The following UGT2B7 variants were observed in gnomAD, a reference collection of about 807,000 sequenced individuals.
UGT2B7 encodes the protein UDP-glucuronosyltransferase 2B7.
A neutral mutation model predicts 51.9 loss-of-function variants in UGT2B7; 51 were observed. That is an observed-to-expected ratio of 0.98 (90% CI 0.78 to 1.24). The LOEUF (loss-of-function observed/expected upper bound fraction) is 1.24, where lower values mean the gene tolerates loss of function less well. Among genes scored for constraint, UGT2B7 ranks in the 50% most tolerant of loss-of-function variants. The probability of loss-of-function intolerance (pLI) is 0.00; values close to 1 mark genes in which losing one functional copy is unlikely to be tolerated. For missense variants in UGT2B7, 727 were observed against 628.4 expected, an observed-to-expected ratio of 1.16 and a Z score of -1.68; for synonymous variants, 225 against 211.6, an observed-to-expected ratio of 1.06 and a Z score of -0.55.
upstream of UGT2B7, among the ~76,000 whole-genome samples, chr4:69,094,527 A>C (rs1165389783): frequency 1.3e-5 from 2 of 152,254 alleles, no homozygotes; most frequent in Non-Finnish European, 2.9e-5. Flanking sequence ...GTCTAAAAAA[A>C]TACATGCCTT....
At chr4:69,085,441 T>G (rs1012469648) in intron 1 of UGT2B7, among the ~76,000 whole-genome samples, 1 of 152,164 alleles carries the variant, frequency 6.6e-6, no homozygotes, top group African/African-American at 2.4e-5. Context: ...GATAGTTTAT[T>G]TTACTCAGCA....
chr4:69,098,105 A>G (rs1719299999), intron 1 of UGT2B7, among the ~76,000 whole-genome samples: 1 of 152,086 alleles, frequency 6.6e-6, no homozygotes, highest in African/African-American at 2.4e-5. Flanking sequence ...GAATTAGCTT[A>G]ATGAGTTGTG....
chr4:69,098,553 A>G lies in UGT2B7; in HGVS notation c.735A>G (p.Thr245=), dbSNP rs28365062. 0.14 allele frequency: 224,290 copies of G among 1,604,518 alleles called. 18,331 individuals carry two copies. Among genetic ancestry groups the G allele is most frequent in the Admixed American group, 0.35 (19,890 of 57,476 alleles). The stretch of plus-strand genomic sequence containing the variant: ...TATTCCTGTCAGGAAGACCCACTAC[A>G]TTATCTGAGACAATGGGGAAAGCTG... ...FYSEVLGRPT[T]LSETMGKADV... is the part of the protein sequence containing the mutation. The change falls in exon 2 of 6, where the codon ACA becomes ACG. Residue 245 remains threonine, a synonymous_variant. Transcript: ENST00000305231.
At chr4:69,075,604 C>A (rs925176784) in intron 1 of UGT2B7, among the ~76,000 whole-genome samples, 3 of 151,828 alleles carry the variant, frequency 2.0e-5, no homozygotes, top group African/African-American at 7.3e-5. Flanking sequence ...TGATTACATC[C>A]CCAGCCACCA....
Position 69,112,551 on chromosome 4 carries a change from C to A in UGT2B7, c.1405C>A (p.Arg469Ser), listed in dbSNP as rs201354412. The change falls in exon 6 of 6, where the codon CGC becomes AGC. Residue 469 changes from arginine (R) to serine (S), a missense_variant. By Grantham distance (110) the Arg-to-Ser change is moderately radical. Coordinates refer to ENST00000305231, the MANE Select transcript of UGT2B7 (RefSeq NM_001074.4). ...AGTCTTCTGGATTGAATTTGTCATG[C>A]GCCACAAAGGAGCTAAACACCTTCG... Reference protein sequence around the residue: ...RAVFWIEFVMRHKGAKHLRVA... With the variant: ...RAVFWIEFVMSHKGAKHLRVA... 5.4e-5 allele frequency: 87 copies of A among 1,613,764 alleles called. No homozygotes were observed. The highest frequency in any genetic ancestry group is 6.9e-5 in the Non-Finnish European group (81 of 1,179,864).
At chr4:69,060,829 T>C (rs1307956717) in intron 1 of UGT2B7, among the ~76,000 whole-genome samples, 1 of 152,150 alleles carries the variant, frequency 6.6e-6, no homozygotes, top group Non-Finnish European at 1.5e-5. Context: ...AATAACTCAA[T>C]ACCAAGGGCT....
intron 1 of UGT2B7, among the ~76,000 whole-genome samples, chr4:69,062,193 G>T (rs1024571550): frequency 6.6e-6 from 1 of 152,140 alleles, no homozygotes; most frequent in African/African-American, 2.4e-5. Context: ...GTGGGACCAG[G>T]TCTTGCCCAT....
intron 2 of UGT2B7, among the ~76,000 whole-genome samples, chr4:69,090,052 G>C (rs141740463): frequency 1.3e-5 from 2 of 152,076 alleles, no homozygotes; most frequent in East Asian, 3.9e-4. Flanking sequence ...GTGTACTTGG[G>C]TATAAAAGTA....
chr4:69,064,545 A>G (rs1235960470), intron 1 of UGT2B7, among the ~76,000 whole-genome samples: 2 of 152,236 alleles, frequency 1.3e-5, no homozygotes, highest in African/African-American at 2.4e-5. Context: ...GCAAAGCAAC[A>G]GTCATGTGTA....
At chr4:69,060,198 G>A (rs1718313253) in intron 1 of UGT2B7, among the ~76,000 whole-genome samples, 1 of 152,196 alleles carries the variant, frequency 6.6e-6, no homozygotes, top group Non-Finnish European at 1.5e-5. Context: ...GCTATGGAAG[G>A]CAGGATATAA....
chr4:69,105,467 GT>G (rs1719565668), intron 3 of UGT2B7, among the ~76,000 whole-genome samples: 1 of 152,148 alleles, frequency 6.6e-6, no homozygotes, highest in Non-Finnish European at 1.5e-5. Flanking sequence ...TTGCTTGGGA[GT>G]TTCAAAATTA....
intron 1 of UGT2B7, among the ~76,000 whole-genome samples, chr4:69,080,623 A>G (rs1470493765): frequency 6.6e-6 from 1 of 152,018 alleles, no homozygotes; most frequent in Non-Finnish European, 1.5e-5. Context: ...GCAAAATGAG[A>G]CGATTAAAAT....
intron 1 of UGT2B7, among the ~76,000 whole-genome samples, chr4:69,052,225 A>T (rs1718038058): frequency 6.6e-6 from 1 of 151,992 alleles, no homozygotes. Flanking sequence ...AGGCACCAAG[A>T]CCAGTTTCCA....
Position 69,097,018 on chromosome 4 carries a change from A to T in UGT2B7, c.498A>T (p.Ile166=), listed in dbSNP as rs779544237. The change falls in exon 1 of 6, where the codon ATA becomes ATT. Residue 166 remains isoleucine, a synonymous_variant. Transcript: ENST00000305231. ...CSELLAELFN[I]PFVYSLSFSP... ...AGCTGCTGGCTGAGCTATTTAACAT[A>T]CCCTTTGTGTACAGTCTCAGCTTCT... 1 of 1,613,772 alleles carries T rather than the reference A, an allele frequency of 6.2e-7. No homozygotes were observed. Among genetic ancestry groups the T allele is most frequent in the Admixed American group, 1.7e-5 (1 of 59,968 alleles).
At chr4:69,051,750 C>T (rs985927801) in intron 1 of UGT2B7, 1 of 152,306 alleles carries the variant, frequency 6.6e-6, no homozygotes, top group African/African-American at 2.4e-5. Flanking sequence ...CCCACTCCAC[C>T]TAAGTGGAAG....
chr4:69,076,857 C>T (rs945135350), intron 1 of UGT2B7, among the ~76,000 whole-genome samples: 3 of 152,120 alleles, frequency 2.0e-5, no homozygotes, highest in Non-Finnish European at 4.4e-5. Context: ...AGTCTTTGCC[C>T]ATGCCTATGT....
At chr4:69,076,733 G>T (rs552747964) in intron 1 of UGT2B7, among the ~76,000 whole-genome samples, 8 of 152,258 alleles carry the variant, frequency 5.3e-5, no homozygotes, top group African/African-American at 1.9e-4. Flanking sequence ...TCTGTAGGTT[G>T]CCTCTTCACT....
chr4:69,106,115 CTT>C (rs1560511612), intron 3 of UGT2B7, among the ~76,000 whole-genome samples: 2 of 151,728 alleles, frequency 1.3e-5, no homozygotes, highest in East Asian at 1.9e-4. Flanking sequence ...TTATTTGTAA[CTT>C]TTATTTTAAG....
At chr4:69,108,436 A>G in intron 5 of UGT2B7, 114 bp downstream of exon 5, 1 of 1,246,916 alleles carries the variant, frequency 8.0e-7, no homozygotes, top group East Asian at 2.5e-5. Context: ...AATTTAAATG[A>G]TTTAACCAAT....
Sources: allele counts gnomAD v4.1 joint callset (sites outside exome capture counted in the v4.1 genomes callset), GRCh38; gene constraint gnomAD v4.1.1; transcripts MANE v1.5; gene names NCBI Gene and HGNC (gene_info 2026-07-23, HGNC 2026-07-21).